The following YIF1B variants were observed in gnomAD, a reference collection of about 807,000 sequenced individuals.
The protein encoded by YIF1B is Yip1 interacting factor homolog B, membrane trafficking protein, also known as protein YIF1B.
In YIF1B, 24 loss-of-function variants were observed where a neutral mutation model predicts 34.6. That is an observed-to-expected ratio of 0.69 (90% confidence interval 0.50 to 0.98). The LOEUF is 0.98. Ranked by LOEUF, YIF1B falls within the 50% of genes least tolerant of loss-of-function variation. The pLI is 0.00. For synonymous variants in YIF1B, 186 were observed against 184.8 expected (o/e 1.01, Z -0.05); for missense variants, 368 against 429.4 (o/e 0.86, Z 1.26).
upstream of YIF1B, among the ~76,000 whole-genome samples, chr19:38,319,577 C>A (rs1022927309): frequency 6.6e-6 from 1 of 152,208 alleles, no homozygotes; most frequent in Non-Finnish European, 1.5e-5. Flanking sequence ...GGGGGCGACT[C>A]CTCGGCCTGC....
At chr19:38,317,333 G>C (rs940285139), upstream of YIF1B, 5 of 152,298 alleles carry the variant, frequency 3.3e-5, no homozygotes, top group Admixed American at 2.0e-4. Context: ...CTATCGCTGT[G>C]GCTTCCTCTT....
rs1968961632 is a variant in YIF1B at position 38,305,352 on chromosome 19, T to C, written c.945A>G (p.Ter315TrpextTer76). 6.2e-7 allele frequency: 1 copy of C among 1,600,746 alleles called. No individual in the cohort carries two copies. Among genetic ancestry groups the C allele is most frequent in the Non-Finnish European group, 8.5e-7 (1 of 1,170,994 alleles). ...MYWLTFHLVR[*>W] ...GCAGCGGGAGGTTCAGCGGGCGCGC[T>C]CACCGCACCAGGTGGAAGGTGAGCC... The change falls in exon 8 of 8, where the codon TGA (stop) becomes TGG (tryptophan). Residue 315 changes from the stop codon to tryptophan, a stop_lost. Transcript: ENST00000339413.
At position 38,305,478 on chromosome 19, in the gene YIF1B, T is replaced by TGCCAAGATCTTCAGCCGCAGCGTCC; in HGVS notation, c.794_818dup (p.Gly279AspfsTer8). The TGCCAAGATCTTCAGCCGCAGCGTCC allele has an allele frequency of 6.2e-7, 1 of 1,606,428 alleles. No individual in the cohort carries two copies. Among genetic ancestry groups the TGCCAAGATCTTCAGCCGCAGCGTCC allele is most frequent in the South Asian group, 1.1e-5 (1 of 90,792 alleles). ...CCGGGACCCCCTCAGCTGCTGCGTC[T>TGCCAAGATCTTCAGCCGCAGCGTCC]GCCAAGATCTTCAGCCGCAGCGTCC... On this transcript the variant is annotated frameshift_variant, in exon 8 of 8. Transcript: ENST00000339413. LOFTEE classifies it high-confidence loss of function.
rs747979155 is a variant in YIF1B, at chr19:38,304,423, G to A, written c.*929C>T. On this transcript the variant is annotated 3_prime_UTR_variant, in exon 8 of 8. Transcript: ENST00000339413. Reference sequence around the variant, plus strand: ...CCCGGTGTGGGGGCGGGCCACGGGGGAGATCCCAAGCTCAGTCCCCACAAA... The same window carrying A: ...CCCGGTGTGGGGGCGGGCCACGGGGAAGATCCCAAGCTCAGTCCCCACAAA... The A allele has an allele frequency of 6.4e-7, 1 of 1,561,448 alleles. No homozygotes were observed. The highest frequency in any genetic ancestry group is 1.9e-5 in the Admixed American group (1 of 51,568).
rs1003515301 is a variant in YIF1B at position 38,315,796 on chromosome 19, C to A, written c.58+64G>T. 2.0e-6 allele frequency: 3 copies of A among 1,526,192 alleles called. No individual in the cohort carries two copies. The Admixed American group carries it at 6.3e-5, about 32-fold the overall frequency. 94.5% of individuals were successfully genotyped at this position (1,526,192 alleles called of 1,614,324 possible). ...CGTGACCTCTGACCTGCAGTGACCT[C>A]GCCAACCGACGCGGCCGCCCCGCCA... On this transcript the variant is annotated intron_variant, in intron 1 of 7. Transcript: ENST00000339413.
chr19:38,309,561 G>T lies in YIF1B; in HGVS notation c.141C>A (p.Ser47Arg). The T allele has an allele frequency of 6.3e-7, 1 of 1,599,504 alleles. No homozygotes were observed. Among genetic ancestry groups the T allele is most frequent in the Non-Finnish European group, 8.5e-7 (1 of 1,173,538 alleles). ...GTGCCCGCTGGGCCCCATAGCCCCG[G>T]CTCTGGGCTGAACTTGTGTCATCGA... ...QLFDDTSSAQ[S>R]RGYGAQRAPG... The change falls in exon 2 of 8, where the codon AGC (serine) becomes AGA (arginine). Residue 47 changes from serine (S) to arginine (R), a missense_variant. By Grantham distance (110) the Ser-to-Arg change is moderately radical. Transcript: ENST00000339413.
At chr19:38,314,930 T>C (rs1361154259) in intron 1 of YIF1B, among the ~76,000 whole-genome samples, 1 of 151,668 alleles carries the variant, frequency 6.6e-6, no homozygotes, top group Admixed American at 6.6e-5. Flanking sequence ...TCACTACAAA[T>C]CTCCTTCTCC....
chr19:38,319,982 T>C (rs1969627841), upstream of YIF1B: 1 of 1,471,562 alleles, frequency 6.8e-7, no homozygotes, highest in African/African-American at 1.5e-5. Context: ...GCGGGCGCCT[T>C]GGCCGCGTAC....
At chr19:38,313,425 A>G (rs1969405641) in intron 1 of YIF1B, among the ~76,000 whole-genome samples, 1 of 151,194 alleles carries the variant, frequency 6.6e-6, no homozygotes, top group Non-Finnish European at 1.5e-5. Context: ...CGCCCGGCTA[A>G]TTTTTTTGTA....
In YIF1B at chr19:38,304,658, G is replaced by C; in HGVS notation, c.*694C>G. The C allele has an allele frequency of 6.2e-7, 1 of 1,613,708 alleles. No individual in the cohort carries two copies. Among genetic ancestry groups the C allele is most frequent in the Non-Finnish European group, 8.5e-7 (1 of 1,180,000 alleles). ...CACAGCTCTTCCGACTCCAGCAGCA[G>C]CTCCAGCGATTCGGACACGGATGTG... On this transcript the variant is annotated 3_prime_UTR_variant, in exon 8 of 8. Transcript: ENST00000339413.
chr19:38,305,458 AC>A lies in YIF1B; in HGVS notation c.838del (p.Val280SerfsTer14). ...CTGGTTCCGGGCCCCACGCACCGGG[AC>A]CCCCTCAGCTGCTGCGTCTGCCAAG... is the stretch of plus-strand genomic sequence containing the variant. ...KILADAAAEG[V>X]PVRGARNQLR... is the part of the protein sequence containing the mutation. On this transcript the variant is annotated frameshift_variant, in exon 8 of 8. Coordinates refer to ENST00000339413, the MANE Select transcript of YIF1B (RefSeq NM_001039672.3). LOFTEE classifies it high-confidence loss of function. 1 of 1,608,988 alleles carries A rather than the reference AC, an allele frequency of 6.2e-7. No individual in the cohort carries two copies. The highest frequency in any genetic ancestry group is 8.5e-7 in the Non-Finnish European group (1 of 1,177,508).
At position 38,309,485 on chromosome 19, in the gene YIF1B, G is replaced by A. The variant is rs747135315; in HGVS notation, c.217C>T (p.Leu73=). The part of the protein sequence containing the change: ...AASPTPHAAF[L]ADPVSNMAMA... ...GCCATGTTGGACACCGGGTCAGCCA[G>A]GAAGGCTGCATGGGGCGTGGGAGAG... The change falls in exon 2 of 8, where the codon CTG becomes TTG. Residue 73 remains leucine (L), a synonymous_variant. Coordinates refer to ENST00000339413, the MANE Select transcript of YIF1B (RefSeq NM_001039672.3). 3.1e-6 allele frequency: 5 copies of A among 1,613,848 alleles called. No individual in the cohort carries two copies. Among genetic ancestry groups the A allele is most frequent in the Non-Finnish European group, 3.4e-6 (4 of 1,179,918 alleles).
chr19:38,315,556 G>T lies in YIF1B; in HGVS notation c.58+304C>A. 2.0e-6 allele frequency: 3 copies of T among 1,464,444 alleles called. No individual in the cohort carries two copies. In the African/African-American group the frequency reaches 4.3e-5, roughly 21 times the overall value. The allele number at this position is 1,464,444 out of a possible 1,614,324, so 90.7% of individuals were successfully genotyped here. ...CTAAGGGTGTGGGCGACAGCAGGCG[G>T]GTACTGGGGAGCCACGGAAGGGTGG... On this transcript the variant is annotated intron_variant, in intron 1 of 7. Coordinates refer to ENST00000339413, the MANE Select transcript of YIF1B (RefSeq NM_001039672.3).
upstream of YIF1B, chr19:38,316,060 C>A (rs544939183): frequency 5.3e-5 from 66 of 1,240,378 alleles, no homozygotes; most frequent in Admixed American, 1.3e-4. Flanking sequence ...TCCAGCCCCC[C>A]CCTTCACGGA....
In YIF1B at chr19:38,315,860, G is replaced by T. The variant is rs1465769193; in HGVS notation, c.58C>A (p.Pro20Thr). The change falls in exon 1 of 8, where the codon CCC (proline) becomes ACC (threonine). Residue 20 changes from proline (P) to threonine (T), a missense_variant and splice_region_variant. Pro to Thr is a conservative substitution (Grantham distance 38). Coordinates refer to ENST00000339413, the MANE Select transcript of YIF1B (RefSeq NM_001039672.3). ...CCGATCTCCTCCGCCGGCCACGTAC[G>T]CCACTTACGCAGCCGGGGCGTCCCC... is the stretch of plus-strand genomic sequence containing the variant. Reference protein sequence around the residue: ...AAGTPRLRKWPSKRRIPVSQP... With the variant: ...AAGTPRLRKWTSKRRIPVSQP... The T allele has an allele frequency of 3.3e-6, 5 of 1,495,388 alleles. No individual in the cohort carries two copies. Among genetic ancestry groups the T allele is most frequent in the Non-Finnish European group, 4.4e-6 (5 of 1,130,966 alleles). The allele number at this position is 1,495,388 out of a possible 1,614,324, so 92.6% of individuals were successfully genotyped here. A position where few individuals can be genotyped will look rare whatever the true frequency, so the allele number is the denominator to read the frequency against.
intron 3 of YIF1B, 43 bp downstream of exon 3, chr19:38,309,181 C>A: frequency 6.2e-7 from 1 of 1,607,962 alleles, no homozygotes. Flanking sequence ...CCTGAGCCCC[C>A]CACAGGCCCA....
Position 38,305,097 on chromosome 19 carries a change from A to G in YIF1B, c.*255T>C. 2.0e-6 allele frequency: 3 copies of G among 1,481,408 alleles called. No homozygotes were observed. 91.8% of individuals were successfully genotyped at this position (1,481,408 alleles called of 1,614,324 possible). A position where few individuals can be genotyped will look rare whatever the true frequency, so the allele number is the denominator to read the frequency against. ...GGCCCGCCCATTCGTGCGCGAGGCC[A>G]AGGAGAGGCTGTCCACGCCATGCCC... On this transcript the variant is annotated 3_prime_UTR_variant, in exon 8 of 8. Coordinates refer to ENST00000339413, the MANE Select transcript of YIF1B (RefSeq NM_001039672.3).
At position 38,309,492 on chromosome 19, in the gene YIF1B, T is replaced by C. The variant is rs763005163; in HGVS notation, c.210A>G (p.Ala70=). 2.5e-6 allele frequency: 4 copies of C among 1,613,632 alleles called. No individual in the cohort carries two copies. The highest frequency in any genetic ancestry group is 3.4e-6 in the Non-Finnish European group (4 of 1,179,846). ...SYPAASPTPH[A]AFLADPVSNM... ...TGGACACCGGGTCAGCCAGGAAGGCTGCATGGGGCGTGGGAGAGGCTGCAG... is the reference window on the plus strand; with the variant it reads ...TGGACACCGGGTCAGCCAGGAAGGCCGCATGGGGCGTGGGAGAGGCTGCAG... The change falls in exon 2 of 8, where the codon GCA becomes GCG. Residue 70 remains alanine (A), a synonymous_variant. Transcript: ENST00000339413.
At chr19:38,321,686 A>T (rs763839017), upstream of YIF1B, among the ~76,000 whole-genome samples, 1 of 152,236 alleles carries the variant, frequency 6.6e-6, no homozygotes, top group Non-Finnish European at 1.5e-5. Flanking sequence ...CCGGCCAACA[A>T]TAGGGGGCAG....
Sources: gnomAD v4.1 joint callset for allele counts (sites outside exome capture counted in the v4.1 genomes callset) on GRCh38, gnomAD v4.1.1 for gene constraint, MANE v1.5 for transcripts, NCBI Gene and HGNC (gene_info 2026-07-23, HGNC 2026-07-21) for gene names.